Variants in EHBP1 observed in about 807,000 individuals in gnomAD.
The protein encoded by EHBP1 is EH domain binding protein 1.
A neutral mutation model predicts 144.0 loss-of-function variants in EHBP1; 55 were observed. That is an observed-to-expected ratio of 0.38 (90% confidence interval 0.31 to 0.48). The LOEUF is 0.48. Among genes scored for constraint, EHBP1 ranks in the 20% least tolerant of loss-of-function variants. EHBP1 has a pLI of 0.98. For synonymous variants in EHBP1, 469 were observed against 472.7 expected, an observed-to-expected ratio of 0.99 and a Z score of 0.10; for missense variants, 1,200 against 1,364.2, an observed-to-expected ratio of 0.88 and a Z score of 1.90.
intron 10 of EHBP1, among the ~76,000 whole-genome samples, chr2:62,898,422 A>G (rs2053118567): frequency 6.6e-6 from 1 of 152,186 alleles, no homozygotes. Flanking sequence ...GCATATCTTG[A>G]TGTATATATT....
At chr2:62,946,494 A>T (rs544868482) in intron 12 of EHBP1, among the ~76,000 whole-genome samples, 20 of 152,286 alleles carry the variant, frequency 1.3e-4, no homozygotes, top group African/African-American at 3.4e-4. Flanking sequence ...GCTACCTGCA[A>T]ATTACTTCTA....
chr2:62,835,671 C>G (rs1352219807), intron 7 of EHBP1, among the ~76,000 whole-genome samples: 2 of 152,192 alleles, frequency 1.3e-5, no homozygotes, highest in Non-Finnish European at 2.9e-5. Flanking sequence ...GAGGCATTGC[C>G]TCACCTGGGA....
chr2:63,024,469 G>A (rs2060888642), intron 19 of EHBP1, among the ~76,000 whole-genome samples: 1 of 152,054 alleles, frequency 6.6e-6, no homozygotes, highest in Non-Finnish European at 1.5e-5. Flanking sequence ...CAGCATGGTG[G>A]CATGTGTTTG....
At chr2:62,821,993 T>C (rs1193114387) in intron 5 of EHBP1, among the ~76,000 whole-genome samples, 3 of 152,174 alleles carry the variant, frequency 2.0e-5, no homozygotes, top group Non-Finnish European at 4.4e-5. Context: ...TCCAATTCTT[T>C]CCGTTATTTT....
At chr2:62,983,634 G>A (rs188649156) in intron 15 of EHBP1, among the ~76,000 whole-genome samples, 5 of 152,212 alleles carry the variant, frequency 3.3e-5, no homozygotes, top group South Asian at 2.1e-4. Context: ...TCCGTCTCCC[G>A]GGTTCTAGCA....
chr2:62,832,521 A>G (rs968384607), intron 7 of EHBP1, among the ~76,000 whole-genome samples: 1 of 144,028 alleles, frequency 6.9e-6, no homozygotes, highest in Non-Finnish European at 1.5e-5. Flanking sequence ...TGTTTAGTCT[A>G]TCAGTCTTAC....
intron 1 of EHBP1, among the ~76,000 whole-genome samples, chr2:62,694,784 T>C (rs530018654): frequency 6.6e-6 from 1 of 152,298 alleles, no homozygotes; most frequent in African/African-American, 2.4e-5. Context: ...TTTTGGCTTT[T>C]TTCTTCGACT....
At chr2:62,905,983 C>A (rs952345240) in intron 10 of EHBP1, among the ~76,000 whole-genome samples, 1 of 151,776 alleles carries the variant, frequency 6.6e-6, no homozygotes, top group Non-Finnish European at 1.5e-5. Flanking sequence ...TTTTAATTCA[C>A]AAGAGATGCT....
intron 7 of EHBP1, among the ~76,000 whole-genome samples, chr2:62,842,042 A>G (rs920698127): frequency 2.6e-5 from 4 of 152,040 alleles, no homozygotes; most frequent in African/African-American, 9.7e-5. Flanking sequence ...ATGTGAAGGA[A>G]CAGCAAAGAA....
intron 4 of EHBP1, among the ~76,000 whole-genome samples, chr2:62,768,330 G>A (rs894873985): frequency 6.6e-6 from 1 of 151,984 alleles, no homozygotes; most frequent in African/African-American, 2.4e-5. Context: ...ATGATGAAGA[G>A]GCTGTTACCA....
chr2:62,784,594 A>C (rs2042680306), intron 5 of EHBP1, among the ~76,000 whole-genome samples: 1 of 152,224 alleles, frequency 6.6e-6, no homozygotes, highest in Non-Finnish European at 1.5e-5. Flanking sequence ...AGCAGTTGCC[A>C]CATGAACTTG....
chr2:62,787,002 A>T (rs1278763884), intron 5 of EHBP1, among the ~76,000 whole-genome samples: 1 of 152,234 alleles, frequency 6.6e-6, no homozygotes, highest in African/African-American at 2.4e-5. Context: ...GACCGCAGGC[A>T]TGGCTGTATG....
intron 1 of EHBP1, among the ~76,000 whole-genome samples, chr2:62,692,890 A>C (rs1316751596): frequency 6.6e-6 from 1 of 152,038 alleles, no homozygotes; most frequent in Non-Finnish European, 1.5e-5. Context: ...TCTTTTAGCT[A>C]TTTTAATGGG....
chr2:63,030,447 A>C (rs1025901426), intron 19 of EHBP1, among the ~76,000 whole-genome samples: 1 of 152,140 alleles, frequency 6.6e-6, no homozygotes, highest in Non-Finnish European at 1.5e-5. Context: ...ATCACATCTT[A>C]AAATACATTA....
At chr2:62,690,141 A>G (rs1434526025) in intron 1 of EHBP1, among the ~76,000 whole-genome samples, 2 of 152,200 alleles carry the variant, frequency 1.3e-5, no homozygotes, top group Non-Finnish European at 2.9e-5. Flanking sequence ...CAGTCTAGTT[A>G]ACAGTCACCT....
intron 21 of EHBP1, among the ~76,000 whole-genome samples, chr2:63,041,989 A>G (rs1053924520): frequency 2.3e-4 from 35 of 152,228 alleles, no homozygotes; most frequent in Non-Finnish European, 4.7e-4. Context: ...ATATATAAAA[A>G]AGAGTTTTTT....
intron 19 of EHBP1, among the ~76,000 whole-genome samples, chr2:63,034,401 GT>G (rs951961169): frequency 1.1e-4 from 16 of 151,902 alleles, no homozygotes; most frequent in African/African-American, 3.9e-4. Flanking sequence ...GTTGGTCTAG[GT>G]GACAAAAATG....
chr2:62,974,416 C>T (rs991322597), intron 14 of EHBP1, among the ~76,000 whole-genome samples: 1 of 152,066 alleles, frequency 6.6e-6, no homozygotes, highest in Non-Finnish European at 1.5e-5. Context: ...GAAAATGAGT[C>T]AAAAGAAAAT....
At chr2:62,964,473 C>T (rs1026949695) in intron 14 of EHBP1, among the ~76,000 whole-genome samples, 1 of 152,158 alleles carries the variant, frequency 6.6e-6, no homozygotes, top group African/African-American at 2.4e-5. Flanking sequence ...TTATTCATTT[C>T]ATTTTTTAAT....
Sources: gnomAD v4.1 joint callset for allele counts (sites outside exome capture counted in the v4.1 genomes callset) on GRCh38, gnomAD v4.1.1 for gene constraint, MANE v1.5 for transcripts, NCBI Gene and HGNC (gene_info 2026-07-23, HGNC 2026-07-21) for gene names.